KCNC1: variants seen among roughly 807,000 people sequenced by gnomAD.
KCNC1 encodes the protein potassium voltage-gated channel subfamily C member 1.
Under a neutral mutation model 43.4 loss-of-function variants are expected in KCNC1, and 8 were observed. That is an observed-to-expected ratio of 0.18 (90% confidence interval 0.11 to 0.33). KCNC1 has a LOEUF of 0.33. KCNC1 is among the 10% of genes least tolerant of loss of function. The probability of loss-of-function intolerance (pLI) is 1.00; values close to 1 mark genes in which losing one functional copy is unlikely to be tolerated. For missense variants in KCNC1, 420 were observed against 836.0 expected (o/e 0.50, Z 6.14); for synonymous variants, 361 against 360.5 (o/e 1.00, Z -0.01).
chr11:17,735,820 GA>G lies in KCNC1; in HGVS notation c.-182del. ...CGCACATTCCCCTGGACCGGCACCC[GA>G]CAAAGCGCCCGGAGAGGCTTGGCTC... On this transcript the variant is annotated 5_prime_UTR_variant, in exon 1 of 4. Transcript: ENST00000265969. This position sits in a 1 kb window ranked among gnomAD's most constrained non-coding sequence, Gnocchi z 6.7. 1.6e-6 allele frequency: 1 copy of G among 622,272 alleles called. No individual in the cohort carries two copies. The allele number at this position is 622,272 out of a possible 1,614,324, so 38.5% of individuals were successfully genotyped here. A position where few individuals can be genotyped will look rare whatever the true frequency, so the allele number is the denominator to read the frequency against.
chr11:17,743,824 G>T (rs1246712018), intron 1 of KCNC1, among the ~76,000 whole-genome samples: 1 of 152,150 alleles, frequency 6.6e-6, no homozygotes, highest in Admixed American at 6.5e-5. Context: ...TTTGCTGAAC[G>T]TGAAAATCCA....
Position 17,736,707 on chromosome 11 carries a change from C to T in KCNC1, c.570+135C>T, listed in dbSNP as rs1351628685. On this transcript the variant is annotated intron_variant, in intron 1 of 3. Coordinates refer to ENST00000265969, the MANE Select transcript of KCNC1 (RefSeq NM_001112741.2). This position sits in a 1 kb window ranked among gnomAD's most constrained non-coding sequence, Gnocchi z 9.3. ...AAGGGGGTGTGTGCGCATGTGTGCA[C>T]GTACCAGGGTAAGAGAGGAAGGGTG... 7.2e-7 allele frequency: 1 copy of T among 1,389,102 alleles called. No individual in the cohort carries two copies. Among genetic ancestry groups the T allele is most frequent in the Non-Finnish European group, 9.4e-7 (1 of 1,062,344 alleles). The allele number at this position is 1,389,102 out of a possible 1,614,324, so 86.0% of individuals were successfully genotyped here. A position where few individuals can be genotyped will look rare whatever the true frequency, so the allele number is the denominator to read the frequency against.
At position 17,746,646 on chromosome 11, in the gene KCNC1, T is replaced by G. The variant is rs180983332; in HGVS notation, c.570+10074T>G. On this transcript the variant is annotated intron_variant, in intron 1 of 3. Coordinates refer to ENST00000265969, the MANE Select transcript of KCNC1 (RefSeq NM_001112741.2). ...AAATGGACTTCTCTCCTCCAAAGTC[T>G]AGGATGGTTTCTGTCCCAAATCCCC... is the stretch of plus-strand genomic sequence containing the variant. Among the ~76,000 whole-genome samples, 140 of 152,302 alleles carry G rather than the reference T, an allele frequency of 9.2e-4. 1 individual carries two copies. The highest frequency in any genetic ancestry group is 3.2e-3 in the African/African-American group (134 of 41,562).
intron 1 of KCNC1, among the ~76,000 whole-genome samples, chr11:17,770,159 A>AACAAGG (rs1849207515): frequency 3.9e-5 from 6 of 152,238 alleles, no homozygotes; most frequent in African/African-American, 1.2e-4. Context: ...GCATCACTGC[A>AACAAGG]AACAAGGCGG....
At chr11:17,748,368 G>A (rs1309192197) in intron 1 of KCNC1, among the ~76,000 whole-genome samples, 2 of 152,112 alleles carry the variant, frequency 1.3e-5, no homozygotes, top group African/African-American at 4.8e-5. Flanking sequence ...GGAGTCAAAG[G>A]ACAGTGGTAT....
In KCNC1 at chr11:17,734,792, C is replaced by G. The variant is rs1454953654; in HGVS notation, c.-1211C>G. On this transcript the variant is annotated 5_prime_UTR_variant, in exon 1 of 4. Transcript: ENST00000265969. ...GCGGGCTGGACGCGGACCGCGCGAACGAGCAGGCGACGGGCGAGCAGCAAG... is the reference window on the plus strand; with the variant it reads ...GCGGGCTGGACGCGGACCGCGCGAAGGAGCAGGCGACGGGCGAGCAGCAAG... 1 of 151,790 alleles carries G rather than the reference C, an allele frequency of 6.6e-6. No individual in the cohort carries two copies. The highest frequency in any genetic ancestry group is 6.6e-5 in the Admixed American group (1 of 15,192). 9.4% of individuals were successfully genotyped at this position (151,790 alleles called of 1,614,324 possible).
chr11:17,740,381 G>T (rs192136021), intron 1 of KCNC1, among the ~76,000 whole-genome samples: 1 of 152,276 alleles, frequency 6.6e-6, no homozygotes, highest in East Asian at 1.9e-4. Context: ...AACTGCCCCA[G>T]AGGAGGTGAT....
chr11:17,740,977 G>T (rs541410925), intron 1 of KCNC1, among the ~76,000 whole-genome samples: 1 of 152,236 alleles, frequency 6.6e-6, no homozygotes, highest in East Asian at 1.9e-4. Context: ...GAGGGCTGGG[G>T]GACAGAGCTA....
intron 1 of KCNC1, among the ~76,000 whole-genome samples, chr11:17,756,585 T>C (rs1394587817): frequency 6.6e-6 from 1 of 150,948 alleles, no homozygotes; most frequent in Admixed American, 6.6e-5. Flanking sequence ...TCAGGACCCC[T>C]GACTCGATAC....
chr11:17,773,430 A>C lies in KCNC1; in HGVS notation c.1504+832A>C. On this transcript the variant is annotated intron_variant, in intron 2 of 3. Transcript: ENST00000265969. This position sits in a 1 kb window ranked among gnomAD's most constrained non-coding sequence, Gnocchi z 4.1. ...GGGGCCACCACCCTGGGCAGCTTAG[A>C]TGAAAGCGCTACAGACCAGCAACAG... The C allele has an allele frequency of 1.0e-6, 1 of 985,278 alleles. No individual in the cohort carries two copies. Among genetic ancestry groups the C allele is most frequent in the Non-Finnish European group, 1.2e-6 (1 of 829,906 alleles). The allele number at this position is 985,278 out of a possible 1,614,324, so 61.0% of individuals were successfully genotyped here. A position where few individuals can be genotyped will look rare whatever the true frequency, so the allele number is the denominator to read the frequency against.
rs187039167 is a variant in KCNC1, at chr11:17,773,565, G to A, written c.1504+967G>A. ...CCGTGAATTCACTGGGGGCCGGGAG[G>A]GGGGAGGGGGGCATGAAACAATACT... On this transcript the variant is annotated intron_variant, in intron 2 of 3. Coordinates refer to ENST00000265969, the MANE Select transcript of KCNC1 (RefSeq NM_001112741.2). The surrounding 1 kb of genome is among the most constrained non-coding windows in gnomAD (Gnocchi z 4.1). 4.0e-5 allele frequency: 39 copies of A among 985,014 alleles called. No homozygotes were observed. Among genetic ancestry groups the A allele is most frequent in the Admixed American group, 3.1e-4 (5 of 16,272 alleles). 61.0% of individuals were successfully genotyped at this position (985,014 alleles called of 1,614,324 possible). A position where few individuals can be genotyped will look rare whatever the true frequency, so the allele number is the denominator to read the frequency against.
intron 1 of KCNC1, among the ~76,000 whole-genome samples, chr11:17,767,801 G>A (rs1017310815): frequency 6.6e-6 from 1 of 152,212 alleles, no homozygotes; most frequent in Non-Finnish European, 1.5e-5. Context: ...GACTCTCCCT[G>A]GGGAAGGTGT....
chr11:17,773,259 A>T lies in KCNC1; in HGVS notation c.1504+661A>T. 9.1e-6 allele frequency: 9 copies of T among 985,388 alleles called. No individual in the cohort carries two copies. The highest frequency in any genetic ancestry group is 1.1e-5 in the Non-Finnish European group (9 of 829,946). The allele number at this position is 985,388 out of a possible 1,614,324, so 61.0% of individuals were successfully genotyped here. On this transcript the variant is annotated intron_variant, in intron 2 of 3. Transcript: ENST00000265969. The surrounding 1 kb of genome is among the most constrained non-coding windows in gnomAD (Gnocchi z 4.1). ...ACCCCATAGCATGCTGAACCAACTC[A>T]TCTTCTACCACCACTCTAGAGTTTA...
rs573978643 is a variant in KCNC1 at position 17,740,965 on chromosome 11, C to T, written c.570+4393C>T. On this transcript the variant is annotated intron_variant, in intron 1 of 3. Transcript: ENST00000265969. ...GCTCTTGGAGTCGTGGCTTGGCATGCGGAGGGCTGGGGGACAGAGCTATTA... is the reference window on the plus strand; with the variant it reads ...GCTCTTGGAGTCGTGGCTTGGCATGTGGAGGGCTGGGGGACAGAGCTATTA... Among the ~76,000 whole-genome samples, 10 of 152,230 alleles carry T rather than the reference C, an allele frequency of 6.6e-5. No homozygotes were observed. In the East Asian group the frequency reaches 1.4e-3, roughly 21 times the overall value.
intron 1 of KCNC1, among the ~76,000 whole-genome samples, chr11:17,741,467 T>C (rs1326692169): frequency 6.6e-6 from 1 of 151,924 alleles, no homozygotes; most frequent in Non-Finnish European, 1.5e-5. Context: ...GACTCTCTCG[T>C]CTCCCTCCAC....
intron 1 of KCNC1, among the ~76,000 whole-genome samples, chr11:17,747,671 C>T (rs3781949): frequency 1.3e-5 from 2 of 152,098 alleles, no homozygotes; most frequent in Non-Finnish European, 2.9e-5. Context: ...GCGGCCCCAG[C>T]CAGCTGAGCT....
In KCNC1 at chr11:17,776,836, C is replaced by G. The variant is rs1849293859; in HGVS notation, c.1505-2620C>G. 1.0e-6 allele frequency: 1 copy of G among 985,700 alleles called. No homozygotes were observed. 61.1% of individuals were successfully genotyped at this position (985,700 alleles called of 1,614,324 possible). On this transcript the variant is annotated intron_variant, in intron 2 of 3. Coordinates refer to ENST00000265969, the MANE Select transcript of KCNC1 (RefSeq NM_001112741.2). The surrounding 1 kb of genome is among the most constrained non-coding windows in gnomAD (Gnocchi z 4.4). ...GTTTCTCTTTCTTCAAGCCACCCCTCTGGAGTTGGGGAGGGAGAATGCCCC... is the reference window on the plus strand; with the variant it reads ...GTTTCTCTTTCTTCAAGCCACCCCTGTGGAGTTGGGGAGGGAGAATGCCCC...
intron 1 of KCNC1, among the ~76,000 whole-genome samples, chr11:17,750,621 C>T (rs1848956612): frequency 6.6e-6 from 1 of 152,182 alleles, no homozygotes; most frequent in African/African-American, 2.4e-5. Flanking sequence ...CTTGGGAGCC[C>T]CACCTGCCCT....
At position 17,771,470 on chromosome 11, in the gene KCNC1, G is replaced by A. The variant is rs566045477; in HGVS notation, c.571-195G>A. Among the ~76,000 whole-genome samples the A allele has an allele frequency of 1.1e-4, 17 of 152,330 alleles. No homozygotes were observed. Among genetic ancestry groups the A allele is most frequent in the African/African-American group, 3.6e-4 (15 of 41,570 alleles). On this transcript the variant is annotated intron_variant, in intron 1 of 3. Transcript: ENST00000265969. The surrounding 1 kb of genome is among the most constrained non-coding windows in gnomAD (Gnocchi z 4.7). ...GGGGGAAGAAGACAGCATGGAAGGC[G>A]GAGTAGGAGGGTTTTAGAGCCTGCC... is the stretch of plus-strand genomic sequence containing the variant.
Sources: gnomAD v4.1 joint callset for allele counts (sites outside exome capture counted in the v4.1 genomes callset) on GRCh38, gnomAD v4.1.1 for gene constraint, Gnocchi (gnomAD v3.1) non-coding constraint, MANE v1.5 for transcripts, NCBI Gene and HGNC (gene_info 2026-07-23, HGNC 2026-07-21) for gene names.